The following WWC1 variants were observed in gnomAD, a reference collection of about 807,000 sequenced individuals.
The protein encoded by WWC1 is protein KIBRA.
Under a neutral mutation model 138.4 loss-of-function variants are expected in WWC1, and 55 were observed. That is an observed-to-expected ratio of 0.40 (90% confidence interval 0.32 to 0.50). The LOEUF (loss-of-function observed/expected upper bound fraction) is 0.50. Ranked by LOEUF, WWC1 falls within the 20% of genes least tolerant of loss-of-function variation. The pLI is 0.72. For missense variants in WWC1, 1,226 were observed against 1,420.4 expected (o/e 0.86, Z 2.20); for synonymous variants, 524 against 564.9 (o/e 0.93, Z 1.03).
intron 11 of WWC1, among the ~76,000 whole-genome samples, chr5:168,425,981 A>G (rs1031693455): frequency 6.6e-6 from 1 of 152,220 alleles, no homozygotes. Context: ...TCCTGGCTCC[A>G]GGTGAGGCCA....
intron 1 of WWC1, among the ~76,000 whole-genome samples, chr5:168,339,975 CT>C (rs1166895096): frequency 9.2e-6 from 1 of 108,816 alleles, no homozygotes; most frequent in Non-Finnish European, 2.1e-5. Flanking sequence ...CTCTGTCTCT[CT>C]TTCTCTCTTT....
At chr5:168,357,448 C>CTGTGTGTGTGTGTG (rs67198550) in intron 1 of WWC1, among the ~76,000 whole-genome samples, 36 of 134,530 alleles carry the variant, frequency 2.7e-4, no homozygotes, top group African/African-American at 9.9e-4. Context: ...AACCTGCCTT[C>CTGTGTGTGTGTGTG]TGTGTGTGTG....
intron 15 of WWC1, among the ~76,000 whole-genome samples, chr5:168,432,049 A>T (rs1419755919): frequency 2.4e-5 from 1 of 41,060 alleles, no homozygotes; most frequent in Non-Finnish European, 3.8e-5. Flanking sequence ...CCCTGTGTCA[A>T]AAAAAAAAAA....
At position 168,465,577 on chromosome 5, in the gene WWC1, G is replaced by A. The variant is rs867068699; in HGVS notation, c.3150+615G>A. Among the ~76,000 whole-genome samples the A allele has an allele frequency of 2.5e-4, 2 of 8,142 alleles. 1 individual carries two copies. Among genetic ancestry groups the A allele is most frequent in the African/African-American group, 1.5e-3 (2 of 1,332 alleles). The allele number at this position is 8,142 out of a possible 152,430, so 5.3% of individuals were successfully genotyped here. A position where few individuals can be genotyped will look rare whatever the true frequency, so the allele number is the denominator to read the frequency against. ...TTTTTTTTTTTTTTTTTTTTTTTTTGGAGATGGGTTTTCTCTCTGTCGCCC... is the reference window on the plus strand; with the variant it reads ...TTTTTTTTTTTTTTTTTTTTTTTTTAGAGATGGGTTTTCTCTCTGTCGCCC... On this transcript the variant is annotated intron_variant, in intron 21 of 22. Coordinates refer to ENST00000265293, the MANE Select transcript of WWC1 (RefSeq NM_015238.3).
At chr5:168,329,630 C>T (rs1165169884) in intron 1 of WWC1, among the ~76,000 whole-genome samples, 1 of 152,138 alleles carries the variant, frequency 6.6e-6, no homozygotes, top group African/African-American at 2.4e-5. Flanking sequence ...GGAGTTAGAA[C>T]CTTTTTGCCA....
chr5:168,404,149 C>G (rs991027376), intron 5 of WWC1, among the ~76,000 whole-genome samples: 1 of 152,178 alleles, frequency 6.6e-6, no homozygotes, highest in Non-Finnish European at 1.5e-5. Context: ...ATTCGAAGCC[C>G]TTCTTGCCCT....
intron 1 of WWC1, among the ~76,000 whole-genome samples, chr5:168,361,422 G>A (rs147593947): frequency 2.1e-3 from 316 of 152,232 alleles, no homozygotes; most frequent in African/African-American, 7.1e-3. Flanking sequence ...TCCCAACCTC[G>A]TCTCTCCATG....
Position 168,414,366 on chromosome 5 carries a change from C to A in WWC1, c.960C>A (p.Ile320=), listed in dbSNP as rs1390414404. 3.1e-6 allele frequency: 5 copies of A among 1,611,420 alleles called. No individual in the cohort carries two copies. In the South Asian group the frequency reaches 5.5e-5, roughly 18 times the overall value. ...CCCCCAGGATCGCCAACCTGAAGAT[C>A]CAGCTGGCCAAGCTTGACAGTGAGG... ...EAKRRIANLK[I]QLAKLDSEAW... is the part of the protein sequence containing the mutation. Residue 320 remains isoleucine (I), a synonymous_variant, in exon 9 of 23, where the codon ATC becomes ATA. Coordinates refer to ENST00000265293, the MANE Select transcript of WWC1 (RefSeq NM_015238.3).
rs927387009 is a variant in WWC1 at position 168,454,374 on chromosome 5, C to G, written c.2658+274C>G. 2.6e-5 allele frequency among the ~76,000 whole-genome samples: 4 copies of G among 152,236 alleles called. No homozygotes were observed. In the South Asian group the frequency reaches 8.3e-4, roughly 32 times the overall value. On this transcript the variant is annotated intron_variant, in intron 18 of 22. Coordinates refer to ENST00000265293, the MANE Select transcript of WWC1 (RefSeq NM_015238.3). Reference sequence around the variant, plus strand: ...GACGGTTTGGGTTTGAATTCTGGCTCTGATACTCCCTGGCTGTGTAGTCTT... The same window carrying G: ...GACGGTTTGGGTTTGAATTCTGGCTGTGATACTCCCTGGCTGTGTAGTCTT...
intron 11 of WWC1, among the ~76,000 whole-genome samples, chr5:168,424,589 T>A (rs1781365440): frequency 1.3e-5 from 2 of 152,168 alleles, no homozygotes; most frequent in Non-Finnish European, 2.9e-5. Flanking sequence ...AGATGACATT[T>A]GAGGGTGTCT....
intron 1 of WWC1, among the ~76,000 whole-genome samples, chr5:168,357,715 A>G (rs934701654): frequency 2.6e-5 from 4 of 152,122 alleles, no homozygotes; most frequent in Admixed American, 6.5e-5. Context: ...ACTTTATTCC[A>G]GCCGCCTTCA....
chr5:168,385,307 C>T lies in WWC1; in HGVS notation c.326C>T (p.Ala109Val), dbSNP rs750677394. The change falls in exon 3 of 23, where the codon GCA becomes GTA. Residue 109 changes from alanine (A) to valine (V), a missense_variant. Ala to Val is a moderately conservative substitution (Grantham distance 64). Around this residue, in one of 3 missense-constraint regions of WWC1, gnomAD observed 1,016 missense variants for 1,153.9 expected, o/e 0.88. Transcript: ENST00000265293. ...YLVVAQEALS[A>V]QKEIYQVKQQ... is the part of the protein sequence containing the mutation. ...GTGGTGGCCCAGGAGGCTCTGAGTGCACAAAAGGAGATCTACCAGGTGAAG... is the reference window on the plus strand; with the variant it reads ...GTGGTGGCCCAGGAGGCTCTGAGTGTACAAAAGGAGATCTACCAGGTGAAG... 5 of 1,614,060 alleles carry T rather than the reference C, an allele frequency of 3.1e-6. No homozygotes were observed. Among genetic ancestry groups the T allele is most frequent in the Non-Finnish European group, 4.2e-6 (5 of 1,180,018 alleles).
intron 1 of WWC1, among the ~76,000 whole-genome samples, chr5:168,340,041 T>TTTTC (rs1271012565): frequency 2.4e-4 from 35 of 144,688 alleles, no homozygotes; most frequent in African/African-American, 4.8e-4. Flanking sequence ...CTTTCCTTTC[T>TTTTC]TTTCTTTCTT....
chr5:168,403,812 A>T (rs1252580430), intron 5 of WWC1, among the ~76,000 whole-genome samples: 1 of 150,794 alleles, frequency 6.6e-6, no homozygotes, highest in East Asian at 2.0e-4. Flanking sequence ...GGGTATGTGA[A>T]TCTCTCAAGG....
At chr5:168,293,981 T>G (rs1286826155) in intron 1 of WWC1, among the ~76,000 whole-genome samples, 3 of 152,112 alleles carry the variant, frequency 2.0e-5, no homozygotes, top group Non-Finnish European at 4.4e-5. Flanking sequence ...TCTCTTGTCC[T>G]TTTCTCAGAA....
intron 3 of WWC1, among the ~76,000 whole-genome samples, chr5:168,386,892 C>G (rs996088544): frequency 6.6e-6 from 1 of 152,072 alleles, no homozygotes; most frequent in Non-Finnish European, 1.5e-5. Context: ...TCAGGTGATC[C>G]ACGTGCCTCA....
chr5:168,334,225 A>AAAC lies in WWC1; in HGVS notation c.120-37178_120-37176dup, dbSNP rs143593638. Among the ~76,000 whole-genome samples the AAAC allele has an allele frequency of 4.5e-3, 675 of 151,220 alleles. 6 individuals carry two copies. Among genetic ancestry groups the AAAC allele is most frequent in the African/African-American group, 0.013 (549 of 41,276 alleles). ...GGTGACAGAGCAAGATCCTGTCTCAAAACAACAACAACAACAACAACAAAA... is the reference window on the plus strand; with the variant it reads ...GGTGACAGAGCAAGATCCTGTCTCAAAACAACAACAACAACAACAACAACAAAA... On this transcript the variant is annotated intron_variant, in intron 1 of 22. Coordinates refer to ENST00000265293, the MANE Select transcript of WWC1 (RefSeq NM_015238.3).
chr5:168,429,550 C>T (rs1200327686), intron 13 of WWC1, among the ~76,000 whole-genome samples: 1 of 152,148 alleles, frequency 6.6e-6, no homozygotes, highest in Non-Finnish European at 1.5e-5. Flanking sequence ...TGAGCCACCA[C>T]ACCTGGCCTT....
At chr5:168,370,925 A>G (rs965063668) in intron 1 of WWC1, among the ~76,000 whole-genome samples, 3 of 152,226 alleles carry the variant, frequency 2.0e-5, no homozygotes, top group Admixed American at 2.0e-4. Flanking sequence ...GGGATGGAAC[A>G]TCTGCTATTC....
Sources: gnomAD v4.1 joint callset for allele counts (sites outside exome capture counted in the v4.1 genomes callset) on GRCh38, gnomAD v4.1.1 for gene constraint, gnomAD v4.1.1 regional missense constraint, MANE v1.5 for transcripts, NCBI Gene and HGNC (gene_info 2026-07-23, HGNC 2026-07-21) for gene names.